PDE10A: variants seen among roughly 807,000 people sequenced by gnomAD.
PDE10A encodes phosphodiesterase 10A.
Under a neutral mutation model 97.7 loss-of-function variants are expected in PDE10A, and 39 were observed. The observed-to-expected ratio is 0.40, with a 90% confidence interval of 0.31 to 0.52. PDE10A has a LOEUF of 0.52. Among genes scored for constraint, PDE10A ranks in the 20% least tolerant of loss-of-function variants. The pLI, the probability that PDE10A is intolerant of heterozygous loss-of-function variation, is 0.56. For synonymous variants in PDE10A, 371 were observed against 376.8 expected (o/e 0.98, Z 0.18); for missense variants, 731 against 1,047.8 (o/e 0.70, Z 4.17).
chr6:165,645,821 T>C (rs911477505), intron 1 of PDE10A, among the ~76,000 whole-genome samples: 1 of 131,496 alleles, frequency 7.6e-6, no homozygotes, highest in African/African-American at 2.9e-5. Context: ...GCCACTGTAC[T>C]CTAGCCTGGG....
At chr6:165,826,262 A>G (rs1201280979) in intron 1 of PDE10A, among the ~76,000 whole-genome samples, 1 of 152,064 alleles carries the variant, frequency 6.6e-6, no homozygotes, top group Non-Finnish European at 1.5e-5. Context: ...GATGGCCACG[A>G]TGGCCCTCTG....
At chr6:165,574,761 C>T (rs921121215) in intron 1 of PDE10A, among the ~76,000 whole-genome samples, 2 of 152,084 alleles carry the variant, frequency 1.3e-5, no homozygotes, top group East Asian at 3.9e-4. Flanking sequence ...CAAACTAATA[C>T]ACCTCATAAA....
At chr6:165,386,820 A>AGG (rs1583172615) in intron 17 of PDE10A, among the ~76,000 whole-genome samples, 2 of 150,430 alleles carry the variant, frequency 1.3e-5, no homozygotes, top group East Asian at 3.9e-4. Context: ...GGCTAACACA[A>AGG]TGAAACCCCA....
intron 18 of PDE10A, among the ~76,000 whole-genome samples, chr6:165,378,059 T>G (rs1412583673): frequency 6.6e-6 from 1 of 152,232 alleles, no homozygotes; most frequent in African/African-American, 2.4e-5. Flanking sequence ...GAAGGTAAGT[T>G]GAATCACAAA....
intron 21 of PDE10A, among the ~76,000 whole-genome samples, chr6:165,335,295 T>G (rs911534023): frequency 9.2e-5 from 14 of 152,078 alleles, no homozygotes; most frequent in African/African-American, 2.9e-4. Flanking sequence ...AAGGTCCCCT[T>G]CTTCCATTTA....
intron 1 of PDE10A, chr6:165,660,486 C>G (rs539139745): frequency 2.6e-5 from 4 of 152,452 alleles, no homozygotes; most frequent in African/African-American, 9.6e-5. Context: ...AGGCCGCTGA[C>G]CACGCGGCCG....
At chr6:165,871,585 T>C (rs1444803984) in intron 1 of PDE10A, among the ~76,000 whole-genome samples, 6 of 152,132 alleles carry the variant, frequency 3.9e-5, no homozygotes, top group African/African-American at 1.4e-4. Context: ...TAAGACTAGT[T>C]TAGGATAAGC....
chr6:165,776,414 C>A (rs1045962280), intron 1 of PDE10A, among the ~76,000 whole-genome samples: 1 of 152,106 alleles, frequency 6.6e-6, no homozygotes, highest in Non-Finnish European at 1.5e-5. Flanking sequence ...TTGCTTATTT[C>A]GATTAAATCA....
chr6:165,840,002 A>C (rs113921331), intron 1 of PDE10A, among the ~76,000 whole-genome samples: 3 of 5,250 alleles, frequency 5.7e-4, no homozygotes, highest in East Asian at 4.6e-3. Context: ...ACTCCATCCC[A>C]TCTCCATCCT....
chr6:165,635,096 G>A (rs972964864), intron 1 of PDE10A, among the ~76,000 whole-genome samples: 1 of 152,150 alleles, frequency 6.6e-6, no homozygotes, highest in Non-Finnish European at 1.5e-5. Context: ...TTAGTAAATT[G>A]AGTGGGCAAC....
At chr6:165,606,908 A>T (rs1284275587) in intron 1 of PDE10A, among the ~76,000 whole-genome samples, 1 of 152,156 alleles carries the variant, frequency 6.6e-6, no homozygotes, top group Non-Finnish European at 1.5e-5. Context: ...GGGAGCCCAG[A>T]TGATCAATAT....
intron 1 of PDE10A, among the ~76,000 whole-genome samples, chr6:165,985,082 G>A (rs1444044760): frequency 2.0e-5 from 3 of 152,196 alleles, no homozygotes. Context: ...TGCCACAGCC[G>A]AGGCCACAGA....
intron 1 of PDE10A, among the ~76,000 whole-genome samples, chr6:165,953,073 A>G (rs557489107): frequency 1.4e-4 from 22 of 152,154 alleles, no homozygotes; most frequent in Non-Finnish European, 3.1e-4. Flanking sequence ...TTTTGTGTCT[A>G]TTGAAGCTAA....
chr6:165,716,180 G>A (rs1792021803), intron 1 of PDE10A, among the ~76,000 whole-genome samples: 1 of 152,206 alleles, frequency 6.6e-6, no homozygotes, highest in Non-Finnish European at 1.5e-5. Flanking sequence ...CCTTCTGGGT[G>A]CTAAGACAAG....
At chr6:165,824,798 C>T (rs1362636338) in intron 1 of PDE10A, among the ~76,000 whole-genome samples, 1 of 151,756 alleles carries the variant, frequency 6.6e-6, no homozygotes, top group Non-Finnish European at 1.5e-5. Flanking sequence ...TCCTTCTCAC[C>T]CACTGAATCT....
At chr6:165,821,685 T>C (rs990240224) in intron 1 of PDE10A, among the ~76,000 whole-genome samples, 60 of 151,950 alleles carry the variant, frequency 3.9e-4, no homozygotes, top group African/African-American at 1.4e-3. Context: ...TGCCTGGCTG[T>C]GTTTTGTGGT....
At chr6:165,715,651 C>G (rs1416223228) in intron 1 of PDE10A, among the ~76,000 whole-genome samples, 1 of 152,182 alleles carries the variant, frequency 6.6e-6, no homozygotes, top group African/African-American at 2.4e-5. Context: ...CACACACAGA[C>G]TCTCTCAGTG....
At chr6:165,827,340 C>A (rs1425567123) in intron 1 of PDE10A, among the ~76,000 whole-genome samples, 1 of 152,148 alleles carries the variant, frequency 6.6e-6, no homozygotes, top group Non-Finnish European at 1.5e-5. Flanking sequence ...CAGCTCGAGA[C>A]CTGTGCGGGG....
chr6:165,907,859 G>A (rs1309812599), intron 1 of PDE10A, among the ~76,000 whole-genome samples: 1 of 152,232 alleles, frequency 6.6e-6, no homozygotes. Context: ...AGTTTGTTCA[G>A]AGGCAGAGAG....
Sources: gnomAD v4.1 joint callset for allele counts (sites outside exome capture counted in the v4.1 genomes callset) on GRCh38, gnomAD v4.1.1 for gene constraint, MANE v1.5 for transcripts, NCBI Gene and HGNC (gene_info 2026-07-23, HGNC 2026-07-21) for gene names.